Variants in ATP10B observed in about 807,000 individuals in gnomAD.
ATP10B encodes phospholipid-transporting ATPase VB.
ATP10B carries 122 observed loss-of-function variants against 141.2 expected under a neutral mutation model. The observed-to-expected ratio is 0.86, with a 90% CI of 0.75 to 1.00. The LOEUF (loss-of-function observed/expected upper bound fraction) is 1.00, where lower values mean the gene tolerates loss of function less well. Ranked by LOEUF, ATP10B falls within the 50% of genes least tolerant of loss-of-function variation. ATP10B has a pLI of 0.00. For synonymous variants in ATP10B, 685 were observed against 692.0 expected, an observed-to-expected ratio of 0.99 and a Z score of 0.16; for missense variants, 1,876 against 1,825.3, an observed-to-expected ratio of 1.03 and a Z score of -0.51.
chr5:160,895,576 T>C, the ATP10B span, among the ~76,000 whole-genome samples: 1 of 152,268 alleles, frequency 6.6e-6, no homozygotes, highest in South Asian at 2.1e-4. Flanking sequence ...AAAGAGAGAC[T>C]TAGACTCCCA....
At chr5:160,902,061 C>A in the ATP10B span, among the ~76,000 whole-genome samples, 1 of 152,122 alleles carries the variant, frequency 6.6e-6, no homozygotes, top group South Asian at 2.1e-4. Flanking sequence ...TCTACTAATT[C>A]CTGATGGAGG....
At chr5:160,583,528 G>A (rs770107037) in intron 24 of ATP10B, among the ~76,000 whole-genome samples, 9 of 152,206 alleles carry the variant, frequency 5.9e-5, no homozygotes, top group Non-Finnish European at 1.0e-4. Context: ...CAGGGGTCAG[G>A]GACCCACTGG....
intron 18 of ATP10B, 87 bp from the exon 19 acceptor site, chr5:160,607,173 C>T: frequency 8.9e-7 from 1 of 1,118,732 alleles, no homozygotes. Flanking sequence ...GTAAGATAGT[C>T]ATAAAACTCT....
chr5:160,909,742 T>C, the ATP10B span, among the ~76,000 whole-genome samples: 1 of 152,234 alleles, frequency 6.6e-6, no homozygotes, highest in East Asian at 1.9e-4. Flanking sequence ...TAAGTGACGA[T>C]AACGTATTTA....
At chr5:160,871,727 C>G in the ATP10B span, among the ~76,000 whole-genome samples, 6 of 152,140 alleles carry the variant, frequency 3.9e-5, no homozygotes, top group South Asian at 6.2e-4. Context: ...GTGTAGTATT[C>G]CATCATGTAT....
At chr5:160,740,500 C>T (rs1767393393) in intron 2 of ATP10B, among the ~76,000 whole-genome samples, 1 of 152,192 alleles carries the variant, frequency 6.6e-6, no homozygotes, top group South Asian at 2.1e-4. Flanking sequence ...GGCCCTGGCT[C>T]TCCACTGAGG....
chr5:160,859,608 T>TAC, the ATP10B span, among the ~76,000 whole-genome samples: 1 of 151,940 alleles, frequency 6.6e-6, no homozygotes, highest in East Asian at 1.9e-4. Flanking sequence ...TTTGGCACTC[T>TAC]ACTATTTATC....
chr5:160,591,286 G>A, intron 22 of ATP10B, 147 bp from the exon 23 acceptor site: 1 of 624,084 alleles, frequency 1.6e-6, no homozygotes, highest in East Asian at 2.8e-5. Context: ...GTAATTAGGA[G>A]TGTAGACTTG....
In ATP10B at chr5:160,565,907, G is replaced by T; in HGVS notation, c.3939-7C>A. 1 of 1,597,154 alleles carries T rather than the reference G, an allele frequency of 6.3e-7. No homozygotes were observed. Among genetic ancestry groups the T allele is most frequent in the Non-Finnish European group, 8.5e-7 (1 of 1,173,234 alleles). The stretch of plus-strand genomic sequence containing the variant: ...CAGAGACAGGAAAAAGTATCTGGTG[G>T]GAAACAACAGAATAAAGATATTTCT... On this transcript the variant is annotated splice_polypyrimidine_tract_variant and splice_region_variant and intron_variant, in intron 25 of 25. Coordinates refer to ENST00000327245, the MANE Select transcript of ATP10B (RefSeq NM_025153.3).
intron 2 of ATP10B, among the ~76,000 whole-genome samples, chr5:160,755,869 A>G (rs1247269661): frequency 8.7e-6 from 1 of 114,600 alleles, no homozygotes; most frequent in East Asian, 2.4e-4. Context: ...ATATATATAT[A>G]TATATATATT....
chr5:160,894,410 C>G, the ATP10B span, among the ~76,000 whole-genome samples: 1 of 151,640 alleles, frequency 6.6e-6, no homozygotes, highest in African/African-American at 2.4e-5. Context: ...GAAGCATATA[C>G]AAGTATCAAT....
At chr5:160,598,322 G>A (rs911284556) in intron 22 of ATP10B, among the ~76,000 whole-genome samples, 3 of 152,108 alleles carry the variant, frequency 2.0e-5, no homozygotes, top group Non-Finnish European at 4.4e-5. Context: ...TCACTCATAG[G>A]TGGGAATTGA....
At chr5:160,655,620 G>C (rs972455271) in intron 7 of ATP10B, among the ~76,000 whole-genome samples, 3 of 152,144 alleles carry the variant, frequency 2.0e-5, no homozygotes, top group Admixed American at 2.0e-4. Flanking sequence ...TCATGCCGTA[G>C]AAAAAGCCCC....
chr5:160,669,841 A>G (rs911853023), intron 7 of ATP10B, among the ~76,000 whole-genome samples: 1 of 142,752 alleles, frequency 7.0e-6, no homozygotes, highest in Non-Finnish European at 1.5e-5. Flanking sequence ...GCCTCAAGTG[A>G]TCTACCTGCC....
At chr5:160,846,245 T>C (rs887896105) in intron 1 of ATP10B, among the ~76,000 whole-genome samples, 2 of 152,186 alleles carry the variant, frequency 1.3e-5, no homozygotes, top group Non-Finnish European at 2.9e-5. Context: ...TCCAAGCATG[T>C]GCTCACTAAA....
chr5:160,576,133 G>T (rs117366863), intron 24 of ATP10B, among the ~76,000 whole-genome samples: 1 of 152,142 alleles, frequency 6.6e-6, no homozygotes, highest in Non-Finnish European at 1.5e-5. Context: ...TGTGAATGGG[G>T]TCGGGTAGAA....
rs1461158409 is a variant in ATP10B at position 160,737,851 on chromosome 5, C to A, written c.-330-20817G>T. On this transcript the variant is annotated intron_variant, in intron 2 of 25. Transcript: ENST00000327245. Reference sequence around the variant, plus strand: ...ATTAAAAAATTAATGGGGAGAAAGACAATCCCAGAATTATAGTTGGATATT... The same window carrying A: ...ATTAAAAAATTAATGGGGAGAAAGAAAATCCCAGAATTATAGTTGGATATT... Among the ~76,000 whole-genome samples the A allele has an allele frequency of 2.0e-5, 3 of 152,066 alleles. No individual in the cohort carries two copies. In the East Asian group the frequency reaches 5.8e-4, roughly 29 times the overall value.
intron 2 of ATP10B, among the ~76,000 whole-genome samples, chr5:160,734,947 A>T (rs904224539): frequency 1.3e-5 from 2 of 151,962 alleles, no homozygotes; most frequent in African/African-American, 4.8e-5. Flanking sequence ...AGGTTATAAG[A>T]TGGTATTTGT....
chr5:160,890,140 A>T, the ATP10B span, among the ~76,000 whole-genome samples: 4 of 152,220 alleles, frequency 2.6e-5, no homozygotes, highest in Admixed American at 2.6e-4. Context: ...TGTAAACTCC[A>T]TGAAGGCAGA....
Sources: allele counts gnomAD v4.1 joint callset (sites outside exome capture counted in the v4.1 genomes callset), GRCh38; gene constraint gnomAD v4.1.1; transcripts MANE v1.5; gene names NCBI Gene and HGNC (gene_info 2026-07-23, HGNC 2026-07-21).